PRKN: variants seen among roughly 807,000 people sequenced by gnomAD.
PRKN encodes the protein E3 ubiquitin-protein ligase parkin.
A neutral mutation model predicts 59.5 loss-of-function variants in PRKN; 56 were observed. The observed-to-expected ratio is 0.94, with a 90% CI of 0.76 to 1.18. The LOEUF (loss-of-function observed/expected upper bound fraction) is 1.18, where lower values mean the gene tolerates loss of function less well. PRKN is among the 50% of genes most tolerant of loss of function. PRKN has a pLI of 0.00. For missense variants in PRKN, 657 were observed against 596.4 expected (o/e 1.10, Z -1.06); for synonymous variants, 250 against 222.1 (o/e 1.13, Z -1.12).
intron 2 of PRKN, among the ~76,000 whole-genome samples, chr6:162,309,395 C>T (rs1385021813): frequency 1.3e-5 from 2 of 152,116 alleles, no homozygotes; most frequent in Admixed American, 1.3e-4. Context: ...GAACTCCTGA[C>T]CTCAAGTGAT....
At chr6:161,777,772 TATATATGTATATGTATATATG>T (rs1562676307) in intron 7 of PRKN, among the ~76,000 whole-genome samples, 1 of 142,660 alleles carries the variant, frequency 7.0e-6, no homozygotes, top group Non-Finnish European at 1.5e-5. Context: ...TGTATATATG[TATATATGTATATGTATATATG>T]ATATATGTAT....
At chr6:161,610,489 T>C (rs1782447875) in intron 7 of PRKN, among the ~76,000 whole-genome samples, 1 of 123,098 alleles carries the variant, frequency 8.1e-6, no homozygotes. Flanking sequence ...TGTATATTAA[T>C]AATACACACA....
chr6:161,441,723 A>G (rs6923642), intron 9 of PRKN, among the ~76,000 whole-genome samples: 6,665 of 151,164 alleles, frequency 0.044, 381 homozygotes, highest in African/African-American at 0.13. Context: ...CGCAGTTCCC[A>G]GAGCTGCTCC....
intron 4 of PRKN, among the ~76,000 whole-genome samples, chr6:162,157,926 T>G (rs1782585359): frequency 6.6e-6 from 1 of 152,076 alleles, no homozygotes; most frequent in African/African-American, 2.4e-5. Context: ...GTCTCAACAT[T>G]TTGTTGCAAC....
At chr6:162,353,069 C>T (rs183910045) in intron 2 of PRKN, among the ~76,000 whole-genome samples, 8 of 152,226 alleles carry the variant, frequency 5.3e-5, no homozygotes, top group Admixed American at 1.3e-4. Flanking sequence ...TTTTCACACA[C>T]CAATGTCCAC....
intron 2 of PRKN, among the ~76,000 whole-genome samples, chr6:162,411,008 A>C (rs535729412): frequency 6.6e-6 from 1 of 152,356 alleles, no homozygotes; most frequent in East Asian, 1.9e-4. Flanking sequence ...GACTCATACA[A>C]AAATGAAAAG....
At chr6:161,781,141 T>C (rs994523724) in intron 7 of PRKN, among the ~76,000 whole-genome samples, 12 of 152,216 alleles carry the variant, frequency 7.9e-5, no homozygotes, top group Non-Finnish European at 1.8e-4. Context: ...CAGCTTCTGG[T>C]TACTAGTTCA....
At chr6:161,700,055 T>C (rs1188338260) in intron 7 of PRKN, among the ~76,000 whole-genome samples, 1 of 151,970 alleles carries the variant, frequency 6.6e-6, no homozygotes, top group African/African-American at 2.4e-5. Context: ...TTTGTTGCTG[T>C]TATAAGCCCT....
At chr6:162,324,659 A>G (rs1356640996) in intron 2 of PRKN, among the ~76,000 whole-genome samples, 1 of 152,064 alleles carries the variant, frequency 6.6e-6, no homozygotes, top group Non-Finnish European at 1.5e-5. Flanking sequence ...CACACACTAT[A>G]AACTCTAGTA....
intron 6 of PRKN, among the ~76,000 whole-genome samples, chr6:161,963,022 A>C (rs7769796): frequency 0.1 from 15,473 of 152,140 alleles, 996 homozygotes; most frequent in African/African-American, 0.18. Context: ...ATATGCCTTT[A>C]ATCCCAGCTA....
intron 4 of PRKN, among the ~76,000 whole-genome samples, chr6:162,151,489 G>T (rs1328392549): frequency 6.6e-6 from 1 of 152,150 alleles, no homozygotes; most frequent in Non-Finnish European, 1.5e-5. Flanking sequence ...ATGTTTAGTT[G>T]AATAGTCATC....
rs1459342184 is a variant in PRKN, at chr6:161,417,211, G to A, written c.1084-30334C>T. Among the ~76,000 whole-genome samples the A allele has an allele frequency of 1.3e-5, 2 of 152,114 alleles. No individual in the cohort carries two copies. Among genetic ancestry groups the A allele is most frequent in the Non-Finnish European group, 2.9e-5 (2 of 68,004 alleles). ...TCACGCCTGTAATCCCAGCACTTTGGGAGGCCGAGGCTGCCAAATCACGAG... is the reference window on the plus strand; with the variant it reads ...TCACGCCTGTAATCCCAGCACTTTGAGAGGCCGAGGCTGCCAAATCACGAG... On this transcript the variant is annotated intron_variant, in intron 9 of 11. Transcript: ENST00000366898. This position sits in a 1 kb window ranked among gnomAD's most constrained non-coding sequence, Gnocchi z 5.4.
chr6:162,262,743 C>A lies in PRKN; in HGVS notation c.194G>T (p.Ser65Ile). The A allele has an allele frequency of 6.2e-7, 1 of 1,605,618 alleles. No homozygotes were observed. Among genetic ancestry groups the A allele is most frequent in the Non-Finnish European group, 8.5e-7 (1 of 1,178,556 alleles). The change falls in exon 3 of 12, where the codon AGC becomes ATC. Residue 65 changes from serine (S) to isoleucine (I), a missense_variant. Physicochemically the swap from Ser to Ile is moderately radical, Grantham distance 142. Coordinates refer to ENST00000366898, the MANE Select transcript of PRKN (RefSeq NM_004562.3). ...TVQNCDLDQQ[S>I]IVHIVQRPWR... ...CGGTCTCTGCACAATGTGAACAATG[C>A]TCTGCTGATCCAGGTCACAATTCTG...
chr6:161,662,964 G>T (rs60785278), intron 7 of PRKN, among the ~76,000 whole-genome samples: 1 of 152,008 alleles, frequency 6.6e-6, no homozygotes, highest in Non-Finnish European at 1.5e-5. Context: ...GAAGAAATCC[G>T]GTAGGAGGTA....
At chr6:161,906,922 G>A (rs1243222659) in intron 6 of PRKN, among the ~76,000 whole-genome samples, 1 of 151,994 alleles carries the variant, frequency 6.6e-6, no homozygotes, top group Non-Finnish European at 1.5e-5. Context: ...ACGCTCTTCT[G>A]CCTGCTTTTA....
intron 6 of PRKN, among the ~76,000 whole-genome samples, chr6:161,961,165 C>T (rs145171898): frequency 4.6e-5 from 7 of 152,228 alleles, no homozygotes; most frequent in Non-Finnish European, 8.8e-5. Flanking sequence ...CACAAGAAAA[C>T]AGTCCTGTGC....
chr6:161,760,152 C>T (rs1789131538), intron 7 of PRKN, among the ~76,000 whole-genome samples: 1 of 138,534 alleles, frequency 7.2e-6, no homozygotes, highest in Non-Finnish European at 1.6e-5. Flanking sequence ...TTTATGAATA[C>T]CCTTTTCCTC....
chr6:161,606,256 G>A (rs1274394219), intron 7 of PRKN, among the ~76,000 whole-genome samples: 51 of 152,316 alleles, frequency 3.3e-4, no homozygotes, highest in South Asian at 8.3e-4. Flanking sequence ...AGTGTGATGT[G>A]AGCGTACACT....
intron 1 of PRKN, among the ~76,000 whole-genome samples, chr6:162,491,914 T>C (rs1276940417): frequency 6.6e-6 from 1 of 152,200 alleles, no homozygotes; most frequent in South Asian, 2.1e-4. Context: ...GAAGCTACTA[T>C]TAATAACAGA....
Sources: gnomAD v4.1 joint callset for allele counts (sites outside exome capture counted in the v4.1 genomes callset) on GRCh38, gnomAD v4.1.1 for gene constraint, Gnocchi (gnomAD v3.1) non-coding constraint, MANE v1.5 for transcripts, NCBI Gene and HGNC (gene_info 2026-07-23, HGNC 2026-07-21) for gene names.